The following PRKG1 variants were observed in gnomAD, a reference collection of about 807,000 sequenced individuals.
PRKG1 encodes cGMP-dependent protein kinase 1.
In PRKG1, 35 loss-of-function variants were observed where a neutral mutation model predicts 88.1. The observed-to-expected ratio is 0.40, with a 90% CI of 0.30 to 0.53. The LOEUF is 0.53. Among genes scored for constraint, PRKG1 ranks in the 20% least tolerant of loss-of-function variants. The pLI is 0.59. For synonymous variants in PRKG1, 303 were observed against 292.5 expected, an observed-to-expected ratio of 1.04 and a Z score of -0.37; for missense variants, 540 against 839.8, an observed-to-expected ratio of 0.64 and a Z score of 4.41.
At chr10:52,020,710 A>G (rs1845161581) in intron 5 of PRKG1, among the ~76,000 whole-genome samples, 2 of 151,986 alleles carry the variant, frequency 1.3e-5, no homozygotes, top group Non-Finnish European at 2.9e-5. Context: ...AGGTGAGCAC[A>G]TGCAATGTGT....
chr10:51,486,036 C>A (rs1387318262), intron 3 of PRKG1, among the ~76,000 whole-genome samples: 1 of 152,166 alleles, frequency 6.6e-6, no homozygotes, highest in African/African-American at 2.4e-5. Context: ...TTTCTTGAGG[C>A]CCCTCTCCAA....
chr10:51,663,072 G>A (rs1477413385), intron 3 of PRKG1, among the ~76,000 whole-genome samples: 2 of 151,994 alleles, frequency 1.3e-5, no homozygotes, highest in Non-Finnish European at 2.9e-5. Flanking sequence ...ATTTTAGCAG[G>A]TAAAATTTAC....
chr10:51,604,801 C>T (rs1838714154), intron 3 of PRKG1, among the ~76,000 whole-genome samples: 1 of 152,208 alleles, frequency 6.6e-6, no homozygotes, highest in African/African-American at 2.4e-5. Flanking sequence ...GTGTCCAGGA[C>T]TCCCAAAGCC....
intron 3 of PRKG1, among the ~76,000 whole-genome samples, chr10:51,599,537 A>G (rs1564567460): frequency 6.6e-6 from 1 of 152,170 alleles, no homozygotes; most frequent in Non-Finnish European, 1.5e-5. Context: ...GGCCTTAATA[A>G]TTATTATCAG....
At chr10:51,800,540 T>A (rs1435012739) in intron 3 of PRKG1, among the ~76,000 whole-genome samples, 1 of 152,108 alleles carries the variant, frequency 6.6e-6, no homozygotes, top group Non-Finnish European at 1.5e-5. Context: ...ATTGAATACT[T>A]TACTGCAGTA....
At chr10:51,842,203 A>G (rs1840294195) in intron 4 of PRKG1, among the ~76,000 whole-genome samples, 1 of 152,188 alleles carries the variant, frequency 6.6e-6, no homozygotes, top group Non-Finnish European at 1.5e-5. Context: ...GCTTTGGGGT[A>G]GGCACTACAG....
At chr10:52,204,710 G>A (rs1462683652) in intron 9 of PRKG1, among the ~76,000 whole-genome samples, 1 of 151,946 alleles carries the variant, frequency 6.6e-6, no homozygotes, top group African/African-American at 2.4e-5. Flanking sequence ...ATGTTGCCTT[G>A]GGACCCTGTG....
At chr10:52,125,563 C>A (rs1477192659) in intron 7 of PRKG1, among the ~76,000 whole-genome samples, 1 of 152,070 alleles carries the variant, frequency 6.6e-6, no homozygotes, top group South Asian at 2.1e-4. Context: ...TCATATGGAA[C>A]CCGATTGCCC....
intron 5 of PRKG1, among the ~76,000 whole-genome samples, chr10:52,049,134 A>G (rs949122054): frequency 6.6e-6 from 1 of 152,196 alleles, no homozygotes; most frequent in Non-Finnish European, 1.5e-5. Context: ...TTTTGGCAGC[A>G]GCAAACCTTT....
intron 3 of PRKG1, among the ~76,000 whole-genome samples, chr10:51,673,783 G>A (rs1840642326): frequency 6.6e-6 from 1 of 152,142 alleles, no homozygotes. Context: ...ATCGAGATTT[G>A]AGAATAGACT....
At chr10:51,429,712 A>C (rs1838701432) in intron 2 of PRKG1, among the ~76,000 whole-genome samples, 1 of 152,092 alleles carries the variant, frequency 6.6e-6, no homozygotes, top group Non-Finnish European at 1.5e-5. Context: ...GAGCAGCTCA[A>C]GAGCAGCTTC....
At chr10:51,363,216 CAA>C (rs748036560) in intron 2 of PRKG1, among the ~76,000 whole-genome samples, 17 of 116,890 alleles carry the variant, frequency 1.5e-4, no homozygotes, top group East Asian at 2.4e-4. Flanking sequence ...CAATCCTAGT[CAA>C]AAAAAAAAAA....
At chr10:51,090,510 C>T (rs1427112294) in intron 1 of PRKG1, among the ~76,000 whole-genome samples, 3 of 152,088 alleles carry the variant, frequency 2.0e-5, no homozygotes, top group Non-Finnish European at 2.9e-5. Context: ...TGAGCAGTTA[C>T]AGGCCTACCA....
intron 3 of PRKG1, among the ~76,000 whole-genome samples, chr10:51,574,856 C>T (rs142620338): frequency 1.3e-5 from 2 of 152,026 alleles, no homozygotes; most frequent in Admixed American, 6.6e-5. Flanking sequence ...AATTAAAGTG[C>T]CTCTTGCCTA....
chr10:52,091,116 G>A (rs72634654), intron 7 of PRKG1, among the ~76,000 whole-genome samples: 10,498 of 152,078 alleles, frequency 0.069, 572 homozygotes, highest in East Asian at 0.34. Context: ...GAAGGTGCCG[G>A]GCTCTTGTCT....
intron 2 of PRKG1, among the ~76,000 whole-genome samples, chr10:51,406,279 TG>T (rs1350120801): frequency 1.3e-5 from 2 of 152,208 alleles, no homozygotes; most frequent in Non-Finnish European, 1.5e-5. Flanking sequence ...CCTCTTTCTT[TG>T]GGAAGTAAAG....
intron 2 of PRKG1, among the ~76,000 whole-genome samples, chr10:51,399,636 G>A (rs1837678972): frequency 2.6e-5 from 4 of 152,112 alleles, no homozygotes; most frequent in Admixed American, 2.6e-4. Flanking sequence ...TCTCATCACT[G>A]TTTTTCTTAG....
chr10:51,329,108 C>T (rs970436112), intron 2 of PRKG1, among the ~76,000 whole-genome samples: 2 of 152,042 alleles, frequency 1.3e-5, no homozygotes, highest in South Asian at 2.1e-4. Context: ...GTTGCCATTG[C>T]CTTTGGTGTC....
At chr10:51,744,577 G>A (rs1030140403) in intron 3 of PRKG1, among the ~76,000 whole-genome samples, 4 of 152,160 alleles carry the variant, frequency 2.6e-5, no homozygotes, top group Admixed American at 6.5e-5. Context: ...AGTTTTTTAT[G>A]TTAGTATTTC....
Sources: gnomAD v4.1 joint callset for allele counts (sites outside exome capture counted in the v4.1 genomes callset) on GRCh38, gnomAD v4.1.1 for gene constraint, MANE v1.5 for transcripts, NCBI Gene and HGNC (gene_info 2026-07-23, HGNC 2026-07-21) for gene names.